Variants in ARL15 observed in about 807,000 individuals in gnomAD.
ARL15 encodes the protein ADP-ribosylation factor-like protein 15.
ARL15 carries 19 observed loss-of-function variants against 25.2 expected under a neutral mutation model. The observed-to-expected ratio is 0.75, with a 90% CI of 0.53 to 1.10. The LOEUF (loss-of-function observed/expected upper bound fraction) is 1.10, where lower values mean the gene tolerates loss of function less well. ARL15 is among the 50% of genes least tolerant of loss of function. ARL15 has a pLI of 0.00. For missense variants in ARL15, 220 were observed against 246.0 expected (o/e 0.89, Z 0.71); for synonymous variants, 94 against 86.8 (o/e 1.08, Z -0.46).
At chr5:54,114,269 G>A (rs372771328) in intron 3 of ARL15, among the ~76,000 whole-genome samples, 1 of 151,564 alleles carries the variant, frequency 6.6e-6, no homozygotes, top group African/African-American at 2.4e-5. Context: ...GTGGCGGCGG[G>A]TGCCTGTAAT....
chr5:53,950,289 C>T (rs951680354), intron 4 of ARL15, among the ~76,000 whole-genome samples: 1 of 151,402 alleles, frequency 6.6e-6, no homozygotes, highest in African/African-American at 2.4e-5. Context: ...AAAAAAACGA[C>T]TATGCTCAAG....
At chr5:53,912,379 T>C (rs758264757) in intron 4 of ARL15, among the ~76,000 whole-genome samples, 3 of 151,958 alleles carry the variant, frequency 2.0e-5, no homozygotes, top group South Asian at 2.1e-4. Context: ...AAAAAAACGG[T>C]TTTCAATGAA....
At chr5:54,256,611 TAA>T (rs71600817) in intron 1 of ARL15, among the ~76,000 whole-genome samples, 22 of 112,462 alleles carry the variant, frequency 2.0e-4, no homozygotes, top group South Asian at 2.8e-4. Flanking sequence ...TGAAAGAATG[TAA>T]AAAAAAAAAA....
At chr5:53,893,081 C>T (rs1185981251) in intron 4 of ARL15, among the ~76,000 whole-genome samples, 8 of 152,128 alleles carry the variant, frequency 5.3e-5, no homozygotes, top group Middle Eastern at 3.4e-3. Flanking sequence ...AGTAGATAGA[C>T]CTATTGTGTG....
In ARL15 at chr5:54,171,895, G is replaced by T. The variant is rs1462346946; in HGVS notation, c.82C>A (p.Pro28Thr). ...ACCAGGTCATATTCTGGTCGTGCAG[G>T]TGGTGGTCCCTTGCAGCAAAGTGCT... ...FRALCCKGPP[P>T]ARPEYDLVCI... Residue 28 changes from proline (P) to threonine (T), a missense_variant, in exon 2 of 5, where the codon CCT becomes ACT. By Grantham distance (38) the Pro-to-Thr change is conservative. Coordinates refer to ENST00000504924, the MANE Select transcript of ARL15 (RefSeq NM_019087.3). 7 of 1,613,370 alleles carry T rather than the reference G, an allele frequency of 4.3e-6. No homozygotes were observed. In the East Asian group the frequency reaches 1.6e-4, roughly 36 times the overall value.
At chr5:54,071,982 A>AAAAAAAAAAAG (rs1231631618) in intron 4 of ARL15, among the ~76,000 whole-genome samples, 12 of 42,694 alleles carry the variant, frequency 2.8e-4, no homozygotes, top group Non-Finnish European at 1.0e-3. Flanking sequence ...AAAAAAAGAA[A>AAAAAAAAAAAG]AAAAAAAAAA....
intron 4 of ARL15, chr5:53,951,612 C>T (rs1055409849): frequency 2.2e-6 from 1 of 463,422 alleles, no homozygotes; most frequent in Non-Finnish European, 4.4e-6. Context: ...TTTGGAAAAC[C>T]TTACTTACTC....
chr5:54,208,116 C>A (rs1407917302), intron 1 of ARL15, among the ~76,000 whole-genome samples: 1 of 152,180 alleles, frequency 6.6e-6, no homozygotes, highest in Non-Finnish European at 1.5e-5. Context: ...GAATATCTAA[C>A]TACCCCAAGA....
At chr5:54,062,076 C>T (rs767959609) in intron 4 of ARL15, among the ~76,000 whole-genome samples, 29 of 152,166 alleles carry the variant, frequency 1.9e-4, no homozygotes, top group Non-Finnish European at 3.7e-4. Context: ...CACTGGATTT[C>T]GGACTTACAA....
At chr5:54,132,260 A>C (rs1263846849) in intron 3 of ARL15, among the ~76,000 whole-genome samples, 1 of 152,088 alleles carries the variant, frequency 6.6e-6, no homozygotes, top group Non-Finnish European at 1.5e-5. Context: ...TAGTATAAGA[A>C]ATATTTTAAT....
chr5:54,055,627 C>T (rs1046299254), intron 4 of ARL15, among the ~76,000 whole-genome samples: 1 of 152,134 alleles, frequency 6.6e-6, no homozygotes, highest in Non-Finnish European at 1.5e-5. Context: ...TCCCAAAGTG[C>T]TGGGATTATA....
At chr5:54,102,338 A>G (rs1752464820) in intron 4 of ARL15, among the ~76,000 whole-genome samples, 1 of 152,140 alleles carries the variant, frequency 6.6e-6, no homozygotes. Context: ...AAATGAAACT[A>G]TATGAAAACT....
At position 54,087,836 on chromosome 5, in the gene ARL15, C is replaced by T. The variant is rs150995928; in HGVS notation, c.462+25366G>A. Reference sequence around the variant, plus strand: ...GATTACAGTCACATGACACCATGCCCGACTAATTTTTGTATTTTTAGTAGA... The same window carrying T: ...GATTACAGTCACATGACACCATGCCTGACTAATTTTTGTATTTTTAGTAGA... On this transcript the variant is annotated intron_variant, in intron 4 of 4. Transcript: ENST00000504924. 8.3e-3 allele frequency among the ~76,000 whole-genome samples: 572 copies of T among 68,936 alleles called. 7 individuals carry two copies. The highest frequency in any genetic ancestry group is 0.022 in the African/African-American group (533 of 24,414). 45.2% of individuals were successfully genotyped at this position (68,936 alleles called of 152,430 possible).
intron 1 of ARL15, among the ~76,000 whole-genome samples, chr5:54,267,772 C>CT (rs1392107082): frequency 6.6e-6 from 1 of 152,112 alleles, no homozygotes; most frequent in Non-Finnish European, 1.5e-5. Flanking sequence ...AAATTCTTTT[C>CT]TTTAAGAATG....
chr5:54,031,813 C>T (rs1749995034), intron 4 of ARL15, among the ~76,000 whole-genome samples: 1 of 152,100 alleles, frequency 6.6e-6, no homozygotes, highest in Non-Finnish European at 1.5e-5. Context: ...CATCTACATC[C>T]TTCCACAATC....
chr5:54,165,138 C>G (rs980437068), intron 2 of ARL15, among the ~76,000 whole-genome samples: 1 of 152,004 alleles, frequency 6.6e-6, no homozygotes, highest in Non-Finnish European at 1.5e-5. Context: ...TAGTGTACTT[C>G]CCTTTTTCCC....
At chr5:54,277,724 G>T (rs1479993375) in intron 1 of ARL15, among the ~76,000 whole-genome samples, 1 of 151,978 alleles carries the variant, frequency 6.6e-6, no homozygotes, top group Non-Finnish European at 1.5e-5. Context: ...TGCACTCCAG[G>T]CTGGGTGACA....
At chr5:54,167,642 T>C (rs1439687214) in intron 2 of ARL15, among the ~76,000 whole-genome samples, 3 of 152,168 alleles carry the variant, frequency 2.0e-5, no homozygotes, top group Non-Finnish European at 4.4e-5. Flanking sequence ...CTTGAGCATA[T>C]TCAGTCTTGC....
intron 1 of ARL15, among the ~76,000 whole-genome samples, chr5:54,306,238 AAG>A (rs145541509): frequency 6.2e-4 from 95 of 152,298 alleles, no homozygotes; most frequent in African/African-American, 2.1e-3. Context: ...AGATTCTTAA[AAG>A]AGTCTTGTGA....
Sources: gnomAD v4.1 joint callset for allele counts (sites outside exome capture counted in the v4.1 genomes callset) on GRCh38, gnomAD v4.1.1 for gene constraint, MANE v1.5 for transcripts, NCBI Gene and HGNC (gene_info 2026-07-23, HGNC 2026-07-21) for gene names.